SYT14: variants seen among roughly 807,000 people sequenced by gnomAD.
SYT14 encodes synaptotagmin 14, also known as synaptotagmin-14.
Under a neutral mutation model 74.2 loss-of-function variants are expected in SYT14, and 32 were observed. That is an observed-to-expected ratio of 0.43 (90% CI 0.33 to 0.58). The LOEUF (loss-of-function observed/expected upper bound fraction) is 0.58. SYT14 is among the 20% of genes least tolerant of loss of function. The probability of loss-of-function intolerance (pLI) is 0.05; values close to 1 mark genes in which losing one functional copy is unlikely to be tolerated. For synonymous variants in SYT14, 298 were observed against 337.7 expected (o/e 0.88, Z 1.29); for missense variants, 791 against 981.8 (o/e 0.81, Z 2.60).
chr1:210,058,484 A>G (rs967181368), intron 5 of SYT14, among the ~76,000 whole-genome samples: 1 of 152,198 alleles, frequency 6.6e-6, no homozygotes, highest in African/African-American at 2.4e-5. Context: ...AGGGCTAATC[A>G]GGCAACCAGC....
In SYT14 at chr1:210,058,589, G is replaced by A. The variant is rs142599868; in HGVS notation, c.1313-35733G>A. On this transcript the variant is annotated intron_variant, in intron 5 of 9. Transcript: ENST00000637265. Reference sequence around the variant, plus strand: ...CTGCCCTCCTCTTGGTAGTTCCTCCGTGACTGCAGAGGCTGAGATGAAGCT... The same window carrying A: ...CTGCCCTCCTCTTGGTAGTTCCTCCATGACTGCAGAGGCTGAGATGAAGCT... Among the ~76,000 whole-genome samples the A allele has an allele frequency of 5.4e-3, 827 of 152,294 alleles. 4 individuals are homozygous for A. The highest frequency in any genetic ancestry group is 0.018 in the African/African-American group (757 of 41,552).
chr1:209,984,291 TG>T (rs1185879616), intron 2 of SYT14, among the ~76,000 whole-genome samples: 1 of 152,232 alleles, frequency 6.6e-6, no homozygotes, highest in African/African-American at 2.4e-5. Flanking sequence ...GTAGCTGTTT[TG>T]TGCATACTGT....
chr1:209,964,469 A>G (rs1379908907), intron 2 of SYT14, among the ~76,000 whole-genome samples: 1 of 152,062 alleles, frequency 6.6e-6, no homozygotes, highest in Non-Finnish European at 1.5e-5. Flanking sequence ...TGCTTTTATT[A>G]TTGAGGCTTT....
chr1:209,963,353 A>C (rs1037330520), intron 2 of SYT14, among the ~76,000 whole-genome samples: 6 of 152,138 alleles, frequency 3.9e-5, no homozygotes, highest in African/African-American at 1.4e-4. Context: ...TCCCATTGCC[A>C]ATTTAGTTTA....
chr1:210,037,054 C>T (rs1162250397), intron 5 of SYT14, among the ~76,000 whole-genome samples: 2 of 151,792 alleles, frequency 1.3e-5, no homozygotes, highest in Non-Finnish European at 2.9e-5. Context: ...TTTATCTGGT[C>T]CTGGGCTTTT....
exon 10 of SYT14, chr1:210,167,655 T>C (rs2083469912): frequency 6.6e-6 from 1 of 152,232 alleles, no homozygotes; most frequent in Non-Finnish European, 1.5e-5. Flanking sequence ...TAAGCTGTTT[T>C]GTGACTGCTG....
rs1403999879 is a variant in SYT14, at chr1:210,016,441, C to G, written c.438C>G (p.Tyr146Ter). ...CTGGTGATTCTTCTTTGAAAGGCTA[C>G]ATGAATAATGGTGGGATATCAGTTA... Residue 146 changes from tyrosine to a stop codon, truncating the protein, a stop_gained, in exon 4 of 10, where the codon TAC (tyrosine) becomes TAG (stop). Transcript: ENST00000637265. LOFTEE classifies it high-confidence loss of function. The G allele has an allele frequency of 8.1e-7, 1 of 1,232,038 alleles. No individual in the cohort carries two copies. Among genetic ancestry groups the G allele is most frequent in the Non-Finnish European group, 1.0e-6 (1 of 987,920 alleles). 76.3% of individuals were successfully genotyped at this position (1,232,038 alleles called of 1,614,324 possible).
chr1:210,004,632 T>C (rs2079957797), intron 2 of SYT14, among the ~76,000 whole-genome samples: 1 of 152,022 alleles, frequency 6.6e-6, no homozygotes, highest in Non-Finnish European at 1.5e-5. Context: ...TATTGAAAAG[T>C]AGCTCCTACT....
At chr1:210,022,333 TTACTA>T (rs2080321155) in intron 5 of SYT14, among the ~76,000 whole-genome samples, 1 of 152,206 alleles carries the variant, frequency 6.6e-6, no homozygotes, top group Non-Finnish European at 1.5e-5. Flanking sequence ...TACTGAATGA[TTACTA>T]TATGGTCATT....
intron 7 of SYT14, among the ~76,000 whole-genome samples, chr1:210,148,035 C>G (rs189661278): frequency 6.4e-4 from 97 of 152,140 alleles, no homozygotes; most frequent in African/African-American, 2.3e-3. Context: ...AGAGGCAGCC[C>G]TCTCACTCCA....
At chr1:209,997,324 A>G (rs2102864175) in intron 2 of SYT14, among the ~76,000 whole-genome samples, 1 of 152,274 alleles carries the variant, frequency 6.6e-6, no homozygotes, top group South Asian at 2.1e-4. Context: ...CTATACACCA[A>G]TAATGCCTAG....
chr1:209,938,351 A>T, intron 1 of SYT14, 74 bp downstream of exon 1: 1 of 1,456,570 alleles, frequency 6.9e-7, no homozygotes, highest in Non-Finnish European at 9.2e-7. Flanking sequence ...GTGCGCCGGC[A>T]GGCCGAGGCG....
chr1:210,005,041 T>C (rs1193159878), intron 2 of SYT14, among the ~76,000 whole-genome samples: 1 of 152,030 alleles, frequency 6.6e-6, no homozygotes, highest in Non-Finnish European at 1.5e-5. Flanking sequence ...CGGACTCATT[T>C]ATTTAGTGGA....
chr1:210,081,457 A>G (rs928718908), intron 5 of SYT14, among the ~76,000 whole-genome samples: 1 of 152,198 alleles, frequency 6.6e-6, no homozygotes, highest in Non-Finnish European at 1.5e-5. Flanking sequence ...TATAAGTGTT[A>G]TGTTTATACA....
intron 5 of SYT14, among the ~76,000 whole-genome samples, chr1:210,072,175 T>G (rs968888231): frequency 6.7e-6 from 1 of 150,346 alleles, no homozygotes; most frequent in African/African-American, 2.4e-5. Context: ...GCATGAACAG[T>G]GATATAAACA....
intron 8 of SYT14, among the ~76,000 whole-genome samples, chr1:210,156,408 C>A (rs755667423): frequency 2.6e-5 from 4 of 151,876 alleles, no homozygotes; most frequent in Non-Finnish European, 5.9e-5. Flanking sequence ...GTACTGCCAG[C>A]AGAGACTTTT....
At chr1:210,064,004 G>T (rs937008214) in intron 5 of SYT14, among the ~76,000 whole-genome samples, 5 of 151,680 alleles carry the variant, frequency 3.3e-5, no homozygotes, top group Non-Finnish European at 7.4e-5. Context: ...ATATTTTCAC[G>T]ATCCATTTTT....
At chr1:210,015,218 A>G (rs914526760) in intron 3 of SYT14, among the ~76,000 whole-genome samples, 1 of 152,160 alleles carries the variant, frequency 6.6e-6, no homozygotes, top group African/African-American at 2.4e-5. Context: ...TTCTGCCTCT[A>G]CATTCAATCT....
intron 2 of SYT14, among the ~76,000 whole-genome samples, chr1:210,006,277 T>A (rs2079986482): frequency 6.6e-6 from 1 of 151,966 alleles, no homozygotes; most frequent in African/African-American, 2.4e-5. Context: ...GCATTGTTTA[T>A]AATGTAATAC....
Sources: gnomAD v4.1 joint callset for allele counts (sites outside exome capture counted in the v4.1 genomes callset) on GRCh38, gnomAD v4.1.1 for gene constraint, MANE v1.5 for transcripts, NCBI Gene and HGNC (gene_info 2026-07-23, HGNC 2026-07-21) for gene names.